VSTM2A: variants seen among roughly 807,000 people sequenced by gnomAD.
The protein encoded by VSTM2A is V-set and transmembrane domain-containing protein 2A.
A neutral mutation model predicts 27.3 loss-of-function variants in VSTM2A; 13 were observed. The ratio of observed to expected loss-of-function variants is 0.48; its 90% CI spans 0.31 to 0.76. The LOEUF (loss-of-function observed/expected upper bound fraction) is 0.76, where lower values mean the gene tolerates loss of function less well. Among genes scored for constraint, VSTM2A ranks in the 30% least tolerant of loss-of-function variants. The pLI, the probability that VSTM2A is intolerant of heterozygous loss-of-function variation, is 0.05. For synonymous variants in VSTM2A, 142 were observed against 125.7 expected, an observed-to-expected ratio of 1.13 and a Z score of -0.87; for missense variants, 280 against 310.0, an observed-to-expected ratio of 0.90 and a Z score of 0.73.
chr7:54,557,114 A>C (rs185536237), intron 4 of VSTM2A: 1 of 152,392 alleles, frequency 6.6e-6, no homozygotes, highest in Admixed American at 6.5e-5. Flanking sequence ...TCCAAGGACC[A>C]CTTCTGCCAC....
In VSTM2A at chr7:54,556,274, G is replaced by C. The variant is rs566527956; in HGVS notation, c.634+6104G>C. 2.6e-5 allele frequency among the ~76,000 whole-genome samples: 4 copies of C among 152,284 alleles called. No homozygotes were observed. The East Asian group carries it at 7.7e-4, about 29-fold the overall frequency. Reference sequence around the variant, plus strand: ...TGTGGAGTCTGTAGTAGCTCAGCAGGAATGCTGATTCTCTGAACTATGAAA... The same window carrying C: ...TGTGGAGTCTGTAGTAGCTCAGCAGCAATGCTGATTCTCTGAACTATGAAA... On this transcript the variant is annotated intron_variant, in intron 4 of 4. Transcript: ENST00000402613.
At chr7:54,553,619 G>A (rs1163138135) in intron 4 of VSTM2A, among the ~76,000 whole-genome samples, 1 of 152,130 alleles carries the variant, frequency 6.6e-6, no homozygotes, top group East Asian at 1.9e-4. Flanking sequence ...AGTCAGGGAG[G>A]GCAACCTGGA....
chr7:54,560,134 A>C (rs1788509303), intron 4 of VSTM2A, among the ~76,000 whole-genome samples: 2 of 149,242 alleles, frequency 1.3e-5, no homozygotes, highest in Admixed American at 6.7e-5. Flanking sequence ...TAGCAAACAC[A>C]TAAAATATTT....
chr7:54,550,471 G>C (rs1418387910), intron 4 of VSTM2A: 1 of 594,608 alleles, frequency 1.7e-6, no homozygotes, highest in Admixed American at 3.8e-5. Flanking sequence ...ATGTAATGTT[G>C]GTTACATTAC....
At chr7:54,547,201 AT>A in intron 3 of VSTM2A, 1 of 514,578 alleles carries the variant, frequency 1.9e-6, no homozygotes, top group Non-Finnish European at 3.3e-6. Flanking sequence ...ATGTCTAAAC[AT>A]TCTAGAGAAT....
Position 54,550,175 on chromosome 7 carries a change from G to A in VSTM2A, c.634+5G>A. On this transcript the variant is annotated splice_donor_5th_base_variant and intron_variant, in intron 4 of 4. Transcript: ENST00000402613. ...CCAAACAAAGTCCACAATCAGGTAT[G>A]GAAACCCATTTCGAGCCTTTTATTT... The A allele has an allele frequency of 6.3e-7, 1 of 1,590,086 alleles. No homozygotes were observed. The highest frequency in any genetic ancestry group is 8.6e-7 in the Non-Finnish European group (1 of 1,168,434).
intron 4 of VSTM2A, among the ~76,000 whole-genome samples, chr7:54,564,857 T>C (rs1788671762): frequency 1.4e-4 from 1 of 7,162 alleles, no homozygotes; most frequent in Admixed American, 5.3e-4. Context: ...CTATGAAAAG[T>C]TCAAAATATG....
At chr7:54,562,855 G>A (rs1353733541) in intron 4 of VSTM2A, among the ~76,000 whole-genome samples, 1 of 152,150 alleles carries the variant, frequency 6.6e-6, no homozygotes, top group Non-Finnish European at 1.5e-5. Context: ...ATAAATTTTG[G>A]ATTAAAACTA....
chr7:54,553,957 A>AC (rs1788270422), intron 4 of VSTM2A: 6 of 1,551,312 alleles, frequency 3.9e-6, no homozygotes, highest in African/African-American at 2.7e-5. Flanking sequence ...TTTTCTACTG[A>AC]CCCCCTTCCC....
chr7:54,560,714 CAGG>C (rs1459104956), intron 4 of VSTM2A, among the ~76,000 whole-genome samples: 1 of 152,022 alleles, frequency 6.6e-6, no homozygotes, highest in African/African-American at 2.4e-5. Context: ...TAGTAAAATC[CAGG>C]AGTTGTGATT....
Position 54,550,178 on chromosome 7 carries a change from A to C in VSTM2A, c.634+8A>C, listed in dbSNP as rs1314573650. On this transcript the variant is annotated splice_region_variant and intron_variant, in intron 4 of 4. Coordinates refer to ENST00000402613, the MANE Select transcript of VSTM2A (RefSeq NM_001301009.2). ...AACAAAGTCCACAATCAGGTATGGAAACCCATTTCGAGCCTTTTATTTTAC... is the reference window on the plus strand; with the variant it reads ...AACAAAGTCCACAATCAGGTATGGACACCCATTTCGAGCCTTTTATTTTAC... The C allele has an allele frequency of 6.3e-7, 1 of 1,585,608 alleles. No homozygotes were observed. Among genetic ancestry groups the C allele is most frequent in the Non-Finnish European group, 8.6e-7 (1 of 1,166,236 alleles).
At chr7:54,546,819 C>CCCTGGTCGCTCCCCTGTCA in intron 2 of VSTM2A, 128 bp from the exon 3 acceptor site, 1 of 1,289,440 alleles carries the variant, frequency 7.8e-7, no homozygotes, top group Non-Finnish European at 1.1e-6. Flanking sequence ...GTGGCCACGC[C>CCCTGGTCGCTCCCCTGTCA]CCTGGTCGCT....
intron 2 of VSTM2A, chr7:54,546,569 C>CCCCCGCCT (rs1311520005): frequency 6.3e-6 from 1 of 157,846 alleles, no homozygotes; most frequent in African/African-American, 2.7e-5. Flanking sequence ...CCCGCCTGCC[C>CCCCCGCCT]GCCCGCCCAC....
intron 4 of VSTM2A, chr7:54,551,350 T>A (rs922980543): frequency 6.6e-6 from 1 of 152,172 alleles, no homozygotes; most frequent in African/African-American, 2.4e-5. Flanking sequence ...TACTTCCTAA[T>A]GGATGTGATT....
intron 4 of VSTM2A, chr7:54,553,954 C>G: frequency 6.4e-7 from 1 of 1,552,096 alleles, no homozygotes. Context: ...CTTTTTTCTA[C>G]TGACCCCCTT....
At chr7:54,551,163 G>T (rs73118025) in intron 4 of VSTM2A, 7 of 137,002 alleles carry the variant, frequency 5.1e-5, no homozygotes, top group Non-Finnish European at 8.0e-5. Context: ...ACACACACAC[G>T]CACACACACA....
intron 4 of VSTM2A, chr7:54,559,440 T>G (rs1363122546): frequency 6.6e-6 from 1 of 151,960 alleles, no homozygotes; most frequent in Non-Finnish European, 1.5e-5. Context: ...CACCTTCTCA[T>G]TAAAAAAAAA....
chr7:54,545,206 C>G (rs529018665), intron 2 of VSTM2A, among the ~76,000 whole-genome samples: 64 of 151,988 alleles, frequency 4.2e-4, no homozygotes, highest in African/African-American at 1.5e-3. Context: ...CCATCTGGGA[C>G]CGCAGCCCCC....
chr7:54,554,237 G>A (rs914421835), intron 4 of VSTM2A, among the ~76,000 whole-genome samples: 1 of 151,926 alleles, frequency 6.6e-6, no homozygotes, highest in Non-Finnish European at 1.5e-5. Context: ...TCTCTTTGCA[G>A]GCTGGTCACC....
Sources: allele counts gnomAD v4.1 joint callset (sites outside exome capture counted in the v4.1 genomes callset), GRCh38; gene constraint gnomAD v4.1.1; transcripts MANE v1.5; gene names NCBI Gene and HGNC (gene_info 2026-07-23, HGNC 2026-07-21).